The following KANK1 variants were observed in gnomAD, a reference collection of about 807,000 sequenced individuals.
KANK1 encodes KN motif and ankyrin repeat domain-containing protein 1.
In KANK1, 109 loss-of-function variants were observed where a neutral mutation model predicts 106.2. That is an observed-to-expected ratio of 1.03 (90% CI 0.88 to 1.20). The LOEUF is 1.20. KANK1 is among the 50% of genes most tolerant of loss of function. The pLI, the probability that KANK1 is intolerant of heterozygous loss-of-function variation, is 0.00. For synonymous variants in KANK1, 873 were observed against 652.2 expected, an observed-to-expected ratio of 1.34 and a Z score of -5.16; for missense variants, 2,399 against 1,710.7, an observed-to-expected ratio of 1.40 and a Z score of -7.10.
chr9:580,935 C>T (rs1258301229), intron 1 of KANK1, among the ~76,000 whole-genome samples: 4 of 152,190 alleles, frequency 2.6e-5, no homozygotes, highest in Non-Finnish European at 5.9e-5. Flanking sequence ...CAGCTGAGGC[C>T]TGGTGAGAAT....
intron 3 of KANK1, chr9:495,385 C>G (rs1027790061): frequency 1.3e-5 from 2 of 152,328 alleles, no homozygotes; most frequent in East Asian, 3.9e-4. Context: ...ATAAAAGACT[C>G]TTACGTAACC....
chr9:707,295 C>A, intron 2 of KANK1: 1 of 938,460 alleles, frequency 1.1e-6, no homozygotes, highest in Non-Finnish European at 1.3e-6. Flanking sequence ...GGCCGAATTC[C>A]GGGGGGCCTG....
At position 636,914 on chromosome 9, in the gene KANK1, C is replaced by G. The variant is rs1162974776; in HGVS notation, c.-83-39976C>G. ...AACCCTTCCTTTAGGCCCAGAGAGC[C>G]AACCTTTCCCTCAGAGACTGTTTTT... On this transcript the variant is annotated intron_variant, in intron 1 of 11. Transcript: ENST00000382297. Among the ~76,000 whole-genome samples, 6 of 152,266 alleles carry G rather than the reference C, an allele frequency of 3.9e-5. No individual in the cohort carries two copies. The East Asian group carries it at 1.2e-3, about 29-fold the overall frequency.
intron 2 of KANK1, chr9:684,636 G>A: frequency 1.1e-6 from 1 of 949,112 alleles, no homozygotes. Context: ...AGTTGGGTGG[G>A]CTAGCTGAGC....
At chr9:513,369 G>C (rs7047894) in intron 1 of KANK1, among the ~76,000 whole-genome samples, 7 of 152,152 alleles carry the variant, frequency 4.6e-5, no homozygotes, top group Admixed American at 1.3e-4. Flanking sequence ...AAAGCAATCA[G>C]TTAATTGGAA....
chr9:708,851 C>T (rs1589086619), intron 2 of KANK1, among the ~76,000 whole-genome samples: 1 of 152,096 alleles, frequency 6.6e-6, no homozygotes, highest in Non-Finnish European at 1.5e-5. Context: ...AGCTTATTAG[C>T]GTGGCTCTGG....
intron 1 of KANK1, among the ~76,000 whole-genome samples, chr9:609,711 T>C (rs1171428835): frequency 6.6e-6 from 1 of 152,192 alleles, no homozygotes; most frequent in Admixed American, 6.5e-5. Context: ...TTTTAATCTA[T>C]TGGTACTTCT....
chr9:715,888 C>T, intron 3 of KANK1, among the ~76,000 whole-genome samples: 1 of 152,166 alleles, frequency 6.6e-6, no homozygotes, highest in East Asian at 1.9e-4. Flanking sequence ...ATTAAAGCAA[C>T]TTGATATAGT....
intron 1 of KANK1, among the ~76,000 whole-genome samples, chr9:616,916 C>T (rs1296823826): frequency 6.6e-6 from 1 of 152,170 alleles, no homozygotes; most frequent in African/African-American, 2.4e-5. Flanking sequence ...AAGCAAGTCA[C>T]AATGCCACAC....
At chr9:591,003 A>C (rs1377611491) in intron 1 of KANK1, among the ~76,000 whole-genome samples, 1 of 151,804 alleles carries the variant, frequency 6.6e-6, no homozygotes, top group Non-Finnish European at 1.5e-5. Context: ...AGTGGAGTTT[A>C]AAACAAACAA....
intron 1 of KANK1, among the ~76,000 whole-genome samples, chr9:625,112 G>A (rs1834042654): frequency 6.6e-6 from 1 of 152,172 alleles, no homozygotes; most frequent in African/African-American, 2.4e-5. Flanking sequence ...AGCGTCCTGG[G>A]CAAACCCACA....
chr9:682,549 A>G (rs1158398589), intron 2 of KANK1, among the ~76,000 whole-genome samples: 4 of 152,218 alleles, frequency 2.6e-5, no homozygotes, highest in South Asian at 4.2e-4. Context: ...AATATTCCTT[A>G]TGGTGTTTCT....
chr9:509,082 T>C (rs192701768), intron 1 of KANK1, among the ~76,000 whole-genome samples: 10 of 152,264 alleles, frequency 6.6e-5, no homozygotes, highest in Admixed American at 5.9e-4. Flanking sequence ...GTTTGGCAAA[T>C]GGACAAAATA....
Position 561,043 on chromosome 9 carries a change from C to T in KANK1, c.-84+56289C>T, listed in dbSNP as rs56122360. Among the ~76,000 whole-genome samples, 679 of 152,220 alleles carry T rather than the reference C, an allele frequency of 4.5e-3. 8 individuals are homozygous for T. Among genetic ancestry groups the T allele is most frequent in the African/African-American group, 0.015 (639 of 41,516 alleles). ...GTTGTTTTCTGACTTCGTTAGGCTA[C>T]CTCCGAGGGCTTGTTTTCAAACAAG... On this transcript the variant is annotated intron_variant, in intron 1 of 11. Coordinates refer to ENST00000382297, the MANE Select transcript of KANK1 (RefSeq NM_015158.5).
At chr9:667,722 T>A (rs1053177046) in intron 1 of KANK1, among the ~76,000 whole-genome samples, 3 of 145,694 alleles carry the variant, frequency 2.1e-5, no homozygotes, top group African/African-American at 5.0e-5. Flanking sequence ...TGTTTTTGTT[T>A]AATTTCCAAA....
At chr9:721,782 G>A (rs79008994) in intron 3 of KANK1, among the ~76,000 whole-genome samples, 1,667 of 152,332 alleles carry the variant, frequency 0.011, 19 homozygotes, top group Middle Eastern at 0.031. Flanking sequence ...ACAGTCTGCT[G>A]TTCACTTATG....
chr9:518,623 G>A (rs111857728), intron 1 of KANK1, among the ~76,000 whole-genome samples: 1,686 of 151,786 alleles, frequency 0.011, 18 homozygotes, highest in Non-Finnish European at 0.015. Context: ...GTGTAAAGAG[G>A]AGGAGCTGGG....
At position 675,406 on chromosome 9, in the gene KANK1, A is replaced by G. The variant is rs150747711; in HGVS notation, c.-83-1484A>G. Reference sequence around the variant, plus strand: ...ATGGGTCTAGAGTCAGAGTTTGGGCACAATGGAAATGGGATTTCTATATGT... The same window carrying G: ...ATGGGTCTAGAGTCAGAGTTTGGGCGCAATGGAAATGGGATTTCTATATGT... On this transcript the variant is annotated intron_variant, in intron 1 of 11. Coordinates refer to ENST00000382297, the MANE Select transcript of KANK1 (RefSeq NM_015158.5). Among the ~76,000 whole-genome samples the G allele has an allele frequency of 7.7e-4, 117 of 152,324 alleles. 1 individual carries two copies. Among genetic ancestry groups the G allele is most frequent in the African/African-American group, 2.8e-3 (115 of 41,570 alleles).
intron 1 of KANK1, among the ~76,000 whole-genome samples, chr9:658,792 G>T (rs1334663768): frequency 6.6e-6 from 1 of 152,100 alleles, no homozygotes; most frequent in African/African-American, 2.4e-5. Flanking sequence ...AAATCGCATA[G>T]GCACATCTGT....
Sources: allele counts gnomAD v4.1 joint callset (sites outside exome capture counted in the v4.1 genomes callset), GRCh38; gene constraint gnomAD v4.1.1; transcripts MANE v1.5; gene names NCBI Gene and HGNC (gene_info 2026-07-23, HGNC 2026-07-21).